GALNT2: variants seen among roughly 807,000 people sequenced by gnomAD.
The protein encoded by GALNT2 is UDP-GalNAc:polypeptide N-acetylgalactosaminyltransferase 2.
In GALNT2, 31 loss-of-function variants were observed where a neutral mutation model predicts 81.4. The ratio of observed to expected loss-of-function variants is 0.38; its 90% CI spans 0.29 to 0.51. The LOEUF (loss-of-function observed/expected upper bound fraction) is 0.51, where lower values mean the gene tolerates loss of function less well. GALNT2 is among the 20% of genes least tolerant of loss of function. The pLI is 0.87. For synonymous variants in GALNT2, 303 were observed against 287.4 expected (o/e 1.05, Z -0.55); for missense variants, 629 against 765.7 (o/e 0.82, Z 2.11).
intron 14 of GALNT2, among the ~76,000 whole-genome samples, chr1:230,270,044 A>C (rs1202753531): frequency 6.6e-6 from 1 of 152,172 alleles, no homozygotes; most frequent in Non-Finnish European, 1.5e-5. Context: ...TACTAAAAAT[A>C]CAAAAGATTA....
chr1:230,275,027 C>CCACATGTATACATATATACAT lies in GALNT2; in HGVS notation c.1560+463_1560+464insCACATGTATACATATATACAT, dbSNP rs1558173807. Among the ~76,000 whole-genome samples the CCACATGTATACATATATACAT allele has an allele frequency of 6.6e-6, 1 of 150,444 alleles. No homozygotes were observed. Among genetic ancestry groups the CCACATGTATACATATATACAT allele is most frequent in the Non-Finnish European group, 1.5e-5 (1 of 67,788 alleles). ...CATGCCACATATATACATATATACA[C>CCACATGTATACATATATACAT]GCCACATATATACACATATATACAT... On this transcript the variant is annotated intron_variant, in intron 15 of 15. Transcript: ENST00000366672. The surrounding 1 kb of genome is among the most constrained non-coding windows in gnomAD (Gnocchi z 5.5).
intron 1 of GALNT2, among the ~76,000 whole-genome samples, chr1:230,072,831 G>T (rs1659417424): frequency 6.6e-6 from 1 of 152,208 alleles, no homozygotes; most frequent in African/African-American, 2.4e-5. Context: ...CACTTGAGGG[G>T]CCTCTTGGAC....
rs1012266325 is a variant in GALNT2 at position 230,275,440 on chromosome 1, T to G, written c.1560+876T>G. 6.6e-6 allele frequency among the ~76,000 whole-genome samples: 1 copy of G among 151,274 alleles called. No homozygotes were observed. The highest frequency in any genetic ancestry group is 1.5e-5 in the Non-Finnish European group (1 of 67,770). On this transcript the variant is annotated intron_variant, in intron 15 of 15. Transcript: ENST00000366672. This position sits in a 1 kb window ranked among gnomAD's most constrained non-coding sequence, Gnocchi z 5.5. ...ACCACATATATACACACCACATATA[T>G]ATACACGCCACATATATACATATAT... is the stretch of plus-strand genomic sequence containing the variant.
At chr1:230,165,995 CAT>C (rs746775789) in intron 1 of GALNT2, among the ~76,000 whole-genome samples, 17 of 152,202 alleles carry the variant, frequency 1.1e-4, no homozygotes, top group African/African-American at 3.6e-4. Context: ...ATCAGGTTGA[CAT>C]GGAGTCTGGG....
chr1:230,105,001 A>G (rs1660500620), intron 1 of GALNT2, among the ~76,000 whole-genome samples: 1 of 152,256 alleles, frequency 6.6e-6, no homozygotes, highest in African/African-American at 2.4e-5. Context: ...GGAGGGCCAC[A>G]GTGGCGCTGT....
intron 1 of GALNT2, among the ~76,000 whole-genome samples, chr1:230,143,586 C>T (rs1661818763): frequency 6.6e-6 from 1 of 152,174 alleles, no homozygotes; most frequent in African/African-American, 2.4e-5. Flanking sequence ...AGAAAGAGGT[C>T]GTCTGTCGGC....
At chr1:230,122,615 TGTGTGTGTGTGTGTGTGCATGTACATAC>T (rs942435050) in intron 1 of GALNT2, among the ~76,000 whole-genome samples, 15 of 55,964 alleles carry the variant, frequency 2.7e-4, no homozygotes, top group Non-Finnish European at 4.2e-4. Flanking sequence ...AGGGTGGCTC[TGTGTGTGTGTGTGTGTGCATGTACATAC>T]GTGTGTGTGT....
At chr1:230,092,841 G>A (rs1660135260) in intron 1 of GALNT2, among the ~76,000 whole-genome samples, 1 of 152,156 alleles carries the variant, frequency 6.6e-6, no homozygotes, top group African/African-American at 2.4e-5. Context: ...GTCAAATTTA[G>A]GGGGTAGAGG....
rs535119012 is a variant in GALNT2 at position 230,275,042 on chromosome 1, CAT to C, written c.1560+484_1560+485del. On this transcript the variant is annotated intron_variant, in intron 15 of 15. Transcript: ENST00000366672. The surrounding 1 kb of genome is among the most constrained non-coding windows in gnomAD (Gnocchi z 5.5). Reference sequence around the variant, plus strand: ...CATATATACACGCCACATATATACACATATATACATGCCACATATATACGTAT... The same window carrying C: ...CATATATACACGCCACATATATACACATATACATGCCACATATATACGTAT... Among the ~76,000 whole-genome samples, 28 of 149,826 alleles carry C rather than the reference CAT, an allele frequency of 1.9e-4. No homozygotes were observed. Among genetic ancestry groups the C allele is most frequent in the South Asian group, 1.3e-3 (6 of 4,742 alleles).
chr1:230,166,915 A>G (rs4846841), intron 1 of GALNT2, among the ~76,000 whole-genome samples: 96,728 of 151,964 alleles, frequency 0.64, 33,962 homozygotes, highest in Non-Finnish European at 0.79. Flanking sequence ...TGTTGAATAA[A>G]CATTAGTCCC....
Position 230,265,306 on chromosome 1 carries a change from T to G in GALNT2, c.1379T>G (p.Leu460Trp). ...LQQGTNCLDT[L>W]GHFADGVVGV... Reference sequence around the variant, plus strand: ...CAGGGAACTAACTGCCTCGACACTTTGGGACACTTTGCTGATGGTGTGGTT... The same window carrying G: ...CAGGGAACTAACTGCCTCGACACTTGGGGACACTTTGCTGATGGTGTGGTT... The change falls in exon 14 of 16, where the codon TTG becomes TGG. Residue 460 changes from leucine to tryptophan, a missense_variant. Leu to Trp is a moderately conservative substitution (Grantham distance 61). Coordinates refer to ENST00000366672, the MANE Select transcript of GALNT2 (RefSeq NM_004481.5). 2 of 1,614,228 alleles carry G rather than the reference T, an allele frequency of 1.2e-6. No homozygotes were observed. Among genetic ancestry groups the G allele is most frequent in the Non-Finnish European group, 1.7e-6 (2 of 1,180,042 alleles).
chr1:230,212,892 G>T (rs976613276), intron 3 of GALNT2, among the ~76,000 whole-genome samples: 2 of 151,982 alleles, frequency 1.3e-5, no homozygotes, highest in Non-Finnish European at 2.9e-5. Context: ...CTGAATTAAA[G>T]AATGCATTGA....
At chr1:230,197,551 A>T (rs1572076009) in intron 2 of GALNT2, among the ~76,000 whole-genome samples, 1 of 152,260 alleles carries the variant, frequency 6.6e-6, no homozygotes, top group Non-Finnish European at 1.5e-5. Context: ...AGAGGCAGGG[A>T]CATTCTGTTT....
chr1:230,199,280 C>T (rs528486387), intron 2 of GALNT2, among the ~76,000 whole-genome samples: 6 of 152,258 alleles, frequency 3.9e-5, no homozygotes, highest in East Asian at 3.9e-4. Context: ...TCCCTGTTTG[C>T]GTGGGGTTGG....
rs151214383 is a variant in GALNT2 at position 230,062,233 on chromosome 1, G to C, written n.89+4155G>C. Among the ~76,000 whole-genome samples, 328 of 152,046 alleles carry C rather than the reference G, an allele frequency of 2.2e-3. 2 individuals are homozygous for C. Among genetic ancestry groups the C allele is most frequent in the African/African-American group, 7.6e-3 (316 of 41,490 alleles). ...TATGAATTGTCTGTTTATGCTTTTCGCCATTTTTTATAGGAGATTTGGGGT... is the reference window on the plus strand; with the variant it reads ...TATGAATTGTCTGTTTATGCTTTTCCCCATTTTTTATAGGAGATTTGGGGT... On this transcript the variant is annotated intron_variant and non_coding_transcript_variant, in intron 1 of 6. Transcript: ENST00000494106.
chr1:230,279,479 C>T lies in GALNT2; in HGVS notation c.*21C>T, dbSNP rs762773536. 16 of 1,610,236 alleles carry T rather than the reference C, an allele frequency of 9.9e-6. No individual in the cohort carries two copies. The highest frequency in any genetic ancestry group is 7.7e-5 in the South Asian group (7 of 90,668). On this transcript the variant is annotated 3_prime_UTR_variant, in exon 16 of 16. Transcript: ENST00000366672. This position sits in a 1 kb window ranked among gnomAD's most constrained non-coding sequence, Gnocchi z 4.6. Reference sequence around the variant, plus strand: ...AGTAGGAGGGTCCGGGAGGCCCTGCCGTCCTGTCTCCTGCACCATTGGGTG... The same window carrying T: ...AGTAGGAGGGTCCGGGAGGCCCTGCTGTCCTGTCTCCTGCACCATTGGGTG...
intron 1 of GALNT2, among the ~76,000 whole-genome samples, chr1:230,175,990 A>G (rs1489749882): frequency 6.6e-6 from 1 of 152,136 alleles, no homozygotes; most frequent in African/African-American, 2.4e-5. Flanking sequence ...CAGGAATTAT[A>G]AAATGCAGGA....
At chr1:230,090,555 G>A (rs1406655616) in intron 1 of GALNT2, among the ~76,000 whole-genome samples, 1 of 152,044 alleles carries the variant, frequency 6.6e-6, no homozygotes, top group Non-Finnish European at 1.5e-5. Context: ...GGAGGGGTGG[G>A]GAGGGCTGGT....
intron 1 of GALNT2, among the ~76,000 whole-genome samples, chr1:230,109,779 G>C (rs1166654125): frequency 6.6e-6 from 1 of 151,030 alleles, no homozygotes; most frequent in Non-Finnish European, 1.5e-5. Context: ...AGTGAGTTGA[G>C]AGATCACGCC....
Sources: allele counts gnomAD v4.1 joint callset (sites outside exome capture counted in the v4.1 genomes callset), GRCh38; gene constraint gnomAD v4.1.1; non-coding constraint Gnocchi (gnomAD v3.1); transcripts MANE v1.5; gene names NCBI Gene and HGNC (gene_info 2026-07-23, HGNC 2026-07-21).